The following ARMH4 variants were observed in gnomAD, a reference collection of about 807,000 sequenced individuals.
The protein encoded by ARMH4 is armadillo-like helical domain-containing protein 4.
A neutral mutation model predicts 61.9 loss-of-function variants in ARMH4; 49 were observed. The ratio of observed to expected loss-of-function variants is 0.79; its 90% CI spans 0.63 to 1.00. The LOEUF is 1.00. ARMH4 is among the 50% of genes least tolerant of loss of function. The probability of loss-of-function intolerance (pLI) is 0.00; values close to 1 mark genes in which losing one functional copy is unlikely to be tolerated. For missense variants in ARMH4, 934 were observed against 930.0 expected (o/e 1.00, Z -0.06); for synonymous variants, 368 against 341.5 (o/e 1.08, Z -0.85).
chr14:58,090,699 T>C (rs952410137), intron 5 of ARMH4, among the ~76,000 whole-genome samples: 29 of 149,712 alleles, frequency 1.9e-4, no homozygotes, highest in African/African-American at 6.9e-4. Context: ...GTCAATATGG[T>C]GAAACCCCAT....
intron 5 of ARMH4, among the ~76,000 whole-genome samples, chr14:58,089,747 G>C (rs1347717630): frequency 3.3e-5 from 5 of 152,182 alleles, no homozygotes; most frequent in Non-Finnish European, 7.4e-5. Context: ...CAGCAAGGCT[G>C]ATATAAATTA....
intron 5 of ARMH4, among the ~76,000 whole-genome samples, chr14:58,023,399 A>G (rs570293943): frequency 6.6e-6 from 1 of 152,304 alleles, no homozygotes; most frequent in East Asian, 1.9e-4. Flanking sequence ...CATCCATAAG[A>G]AGCAACTTTT....
rs565213818 is a variant in ARMH4, at chr14:58,107,621, G to A, written c.1832-10640C>T. Among the ~76,000 whole-genome samples, 4 of 152,036 alleles carry A rather than the reference G, an allele frequency of 2.6e-5. No individual in the cohort carries two copies. In the South Asian group the frequency reaches 6.3e-4, roughly 24 times the overall value. On this transcript the variant is annotated intron_variant, in intron 4 of 7. Coordinates refer to ENST00000267485, the MANE Select transcript of ARMH4 (RefSeq NM_001001872.4). ...TCTATTAAAAATACAAAATTTAGCC[G>A]GGCGTAGTGGTGCACGCCCTTAGTC...
At chr14:58,141,986 T>G (rs928301265) in intron 1 of ARMH4, among the ~76,000 whole-genome samples, 4 of 152,296 alleles carry the variant, frequency 2.6e-5, no homozygotes, top group African/African-American at 7.2e-5. Flanking sequence ...GTATTTGAAA[T>G]AAACTACTCA....
At chr14:58,143,765 C>T (rs921712933) in intron 1 of ARMH4, among the ~76,000 whole-genome samples, 3 of 120,082 alleles carry the variant, frequency 2.5e-5, no homozygotes, top group South Asian at 2.6e-4. Flanking sequence ...TGCCCATCCT[C>T]TTTTTTTTTT....
intron 4 of ARMH4, among the ~76,000 whole-genome samples, chr14:58,102,047 C>T (rs1455039372): frequency 6.6e-6 from 1 of 152,100 alleles, no homozygotes; most frequent in African/African-American, 2.4e-5. Context: ...GGCATGAGCA[C>T]ATGAGCTGAA....
intron 4 of ARMH4, among the ~76,000 whole-genome samples, chr14:58,105,636 G>A (rs1384715933): frequency 6.7e-6 from 1 of 150,372 alleles, no homozygotes; most frequent in Non-Finnish European, 1.5e-5. Context: ...GCAGTCAGCC[G>A]AGATTACGCC....
rs191188159 is a variant in ARMH4, at chr14:58,071,854, C to T, written c.2089+24870G>A. ...CTTTATGCATTTCAAATAGTGCTGA[C>T]GACAAGGGAGATAAAATGCACCATG... On this transcript the variant is annotated intron_variant, in intron 5 of 7. Transcript: ENST00000267485. 1.3e-4 allele frequency among the ~76,000 whole-genome samples: 20 copies of T among 152,238 alleles called. No homozygotes were observed. In the East Asian group the frequency reaches 3.3e-3, roughly 25 times the overall value.
intron 4 of ARMH4, among the ~76,000 whole-genome samples, chr14:58,126,326 T>C (rs950786809): frequency 2.6e-5 from 4 of 152,182 alleles, no homozygotes; most frequent in Non-Finnish European, 4.4e-5. Context: ...CAGAAATGAC[T>C]TTCTCCTGAA....
intron 5 of ARMH4, among the ~76,000 whole-genome samples, chr14:58,059,291 GGTCT>G (rs1884454200): frequency 6.6e-6 from 1 of 152,212 alleles, no homozygotes. Flanking sequence ...TGTTTCCCAG[GGTCT>G]GTATAGATCT....
intron 5 of ARMH4, among the ~76,000 whole-genome samples, chr14:58,036,560 G>A (rs1487833427): frequency 1.0e-4 from 10 of 95,918 alleles, no homozygotes; most frequent in African/African-American, 3.5e-4. Context: ...GGGCAATCAG[G>A]CAGGAGAAGG....
At chr14:58,143,057 C>T (rs1020414738) in intron 1 of ARMH4, among the ~76,000 whole-genome samples, 2 of 152,222 alleles carry the variant, frequency 1.3e-5, no homozygotes, top group African/African-American at 2.4e-5. Context: ...CTTGACTACA[C>T]CTTCTTGAAA....
intron 4 of ARMH4, among the ~76,000 whole-genome samples, chr14:58,098,130 G>A (rs1385534050): frequency 2.0e-5 from 3 of 152,118 alleles, no homozygotes; most frequent in African/African-American, 7.2e-5. Context: ...AAGGGAAGAA[G>A]AAGAACTGGA....
At chr14:58,082,090 A>G (rs1032558241) in intron 5 of ARMH4, among the ~76,000 whole-genome samples, 5 of 152,234 alleles carry the variant, frequency 3.3e-5, no homozygotes, top group African/African-American at 1.2e-4. Context: ...ATCTCCTCAC[A>G]CTAAACTGGT....
intron 5 of ARMH4, among the ~76,000 whole-genome samples, chr14:58,083,451 C>T (rs754297378): frequency 2.0e-5 from 3 of 152,042 alleles, no homozygotes; most frequent in Admixed American, 1.3e-4. Flanking sequence ...GACATGGTGG[C>T]GTGTGCCTGT....
intron 5 of ARMH4, among the ~76,000 whole-genome samples, chr14:58,065,026 G>A (rs1292718118): frequency 2.0e-5 from 3 of 152,116 alleles, no homozygotes; most frequent in Non-Finnish European, 2.9e-5. Context: ...GGCAGATCAC[G>A]AGGCCAAGAG....
intron 5 of ARMH4, among the ~76,000 whole-genome samples, chr14:58,090,773 G>A (rs564722502): frequency 2.8e-4 from 43 of 151,612 alleles, no homozygotes; most frequent in African/African-American, 7.3e-4. Flanking sequence ...CCAGCTACTC[G>A]GGCTGCTGAA....
intron 4 of ARMH4, among the ~76,000 whole-genome samples, chr14:58,125,002 C>T (rs1203815123): frequency 6.6e-6 from 1 of 152,144 alleles, no homozygotes; most frequent in Admixed American, 6.5e-5. Flanking sequence ...TCCTAACTTC[C>T]AAGGGAACAC....
intron 4 of ARMH4, among the ~76,000 whole-genome samples, chr14:58,100,564 A>G (rs1885935437): frequency 6.6e-6 from 1 of 152,222 alleles, no homozygotes; most frequent in South Asian, 2.1e-4. Flanking sequence ...GACTCTAATT[A>G]AAGAGAAGTT....
Sources: allele counts gnomAD v4.1 joint callset (sites outside exome capture counted in the v4.1 genomes callset), GRCh38; gene constraint gnomAD v4.1.1; transcripts MANE v1.5; gene names NCBI Gene and HGNC (gene_info 2026-07-23, HGNC 2026-07-21).